The following SLC4A4 variants were observed in gnomAD, a reference collection of about 807,000 sequenced individuals.
The protein encoded by SLC4A4 is electrogenic sodium bicarbonate cotransporter 1.
A neutral mutation model predicts 111.5 loss-of-function variants in SLC4A4; 27 were observed. The ratio of observed to expected loss-of-function variants is 0.24; its 90% CI spans 0.18 to 0.33. The LOEUF (loss-of-function observed/expected upper bound fraction) is 0.33, where lower values mean the gene tolerates loss of function less well. Among genes scored for constraint, SLC4A4 ranks in the 10% least tolerant of loss-of-function variants. The pLI is 1.00. For synonymous variants in SLC4A4, 443 were observed against 463.4 expected (o/e 0.96, Z 0.57); for missense variants, 909 against 1,315.5 (o/e 0.69, Z 4.78).
At chr4:71,216,948 A>G (rs191924795) in intron 1 of SLC4A4, among the ~76,000 whole-genome samples, 150 of 152,270 alleles carry the variant, frequency 9.9e-4, no homozygotes, top group Non-Finnish European at 1.5e-3. Context: ...ACAACTGAAC[A>G]ATGTGGGTAT....
intron 2 of SLC4A4, among the ~76,000 whole-genome samples, chr4:71,150,055 A>G (rs1744274116): frequency 6.6e-6 from 1 of 152,124 alleles, no homozygotes; most frequent in Admixed American, 6.6e-5. Context: ...ATAATTACTT[A>G]TCTGTAGTAT....
intron 8 of SLC4A4, among the ~76,000 whole-genome samples, chr4:71,441,197 T>A (rs1258674618): frequency 1.3e-5 from 2 of 152,182 alleles, no homozygotes; most frequent in Non-Finnish European, 2.9e-5. Flanking sequence ...TACACACATA[T>A]ATATATTAAA....
intron 6 of SLC4A4, among the ~76,000 whole-genome samples, chr4:71,392,493 T>G (rs1719390026): frequency 6.6e-6 from 1 of 152,066 alleles, no homozygotes; most frequent in Non-Finnish European, 1.5e-5. Context: ...TTCTCAATCT[T>G]CAGCATGATT....
At chr4:71,274,501 G>A (rs1722933090) in intron 3 of SLC4A4, among the ~76,000 whole-genome samples, 1 of 152,192 alleles carries the variant, frequency 6.6e-6, no homozygotes, top group Non-Finnish European at 1.5e-5. Context: ...AGTTTGACAA[G>A]CAGTGGGGGT....
At chr4:71,485,090 A>G (rs1384805698) in intron 14 of SLC4A4, among the ~76,000 whole-genome samples, 2 of 151,888 alleles carry the variant, frequency 1.3e-5, no homozygotes, top group South Asian at 2.1e-4. Context: ...GCAAACAGGG[A>G]TAGTTTGACT....
intron 1 of SLC4A4, among the ~76,000 whole-genome samples, chr4:71,193,154 G>A (rs1745811420): frequency 6.6e-6 from 1 of 152,186 alleles, no homozygotes; most frequent in South Asian, 2.1e-4. Context: ...GATGCTATGA[G>A]CATTCTTACG....
intron 1 of SLC4A4, among the ~76,000 whole-genome samples, chr4:71,083,792 C>G (rs1742064402): frequency 1.7e-5 from 2 of 117,176 alleles, no homozygotes; most frequent in South Asian, 6.3e-4. Context: ...CCCCCCGCCC[C>G]CACCAGTCTC....
At chr4:71,212,060 G>C (rs1718169094) in intron 1 of SLC4A4, among the ~76,000 whole-genome samples, 1 of 152,184 alleles carries the variant, frequency 6.6e-6, no homozygotes. Context: ...AGACAACTAA[G>C]ATGCCATCTA....
intron 6 of SLC4A4, among the ~76,000 whole-genome samples, chr4:71,388,900 A>G (rs1042870741): frequency 1.3e-5 from 2 of 152,198 alleles, no homozygotes; most frequent in Admixed American, 6.5e-5. Flanking sequence ...GTGTAATATT[A>G]TTAGAATAAG....
intron 6 of SLC4A4, among the ~76,000 whole-genome samples, chr4:71,359,859 A>G (rs1420515860): frequency 6.6e-6 from 1 of 152,158 alleles, no homozygotes; most frequent in East Asian, 1.9e-4. Flanking sequence ...ATAGGCTACA[A>G]AATAGATTCA....
rs564342212 is a variant in SLC4A4, at chr4:71,517,743, G to A, written c.2167-14319G>A. On this transcript the variant is annotated intron_variant, in intron 16 of 25. Transcript: ENST00000264485. ...GACATAGAGACTAATTTCAGTCCTT[G>A]CAGAATGTCTTTGTCTGGAAAAGTT... is the stretch of plus-strand genomic sequence containing the variant. 1.7e-3 allele frequency among the ~76,000 whole-genome samples: 252 copies of A among 152,304 alleles called. 1 individual carries two copies. Among genetic ancestry groups the A allele is most frequent in the Middle Eastern group, 3.4e-3 (1 of 294 alleles).
intron 6 of SLC4A4, among the ~76,000 whole-genome samples, chr4:71,379,117 C>T (rs1026231316): frequency 9.9e-5 from 15 of 152,190 alleles, no homozygotes; most frequent in African/African-American, 2.9e-4. Context: ...ATCCATCTTT[C>T]ACAACTGCCA....
At chr4:71,088,544 A>C (rs983386920) in intron 1 of SLC4A4, among the ~76,000 whole-genome samples, 2 of 151,926 alleles carry the variant, frequency 1.3e-5, no homozygotes, top group African/African-American at 4.8e-5. Context: ...GGCTGGTACC[A>C]GTTGTTCCTT....
intron 7 of SLC4A4, among the ~76,000 whole-genome samples, chr4:71,420,681 C>T (rs1393767041): frequency 2.0e-5 from 3 of 151,758 alleles, no homozygotes; most frequent in Non-Finnish European, 4.4e-5. Context: ...GGCCAATATT[C>T]AACATTCTTA....
intron 13 of SLC4A4, among the ~76,000 whole-genome samples, chr4:71,470,599 G>GTTGTAA (rs779567007): frequency 1.1e-4 from 16 of 152,010 alleles, no homozygotes; most frequent in Non-Finnish European, 2.1e-4. Flanking sequence ...TATAAAATGA[G>GTTGTAA]TTGTAATTTG....
intron 3 of SLC4A4, among the ~76,000 whole-genome samples, chr4:71,258,684 T>G (rs1721634132): frequency 6.6e-6 from 1 of 152,208 alleles, no homozygotes; most frequent in Admixed American, 6.5e-5. Flanking sequence ...GATTTTCTTG[T>G]TTTTAAGCCT....
chr4:71,543,115 A>G (rs550314105), intron 18 of SLC4A4, among the ~76,000 whole-genome samples: 3 of 152,260 alleles, frequency 2.0e-5, no homozygotes, highest in African/African-American at 7.2e-5. Flanking sequence ...GGAGTTCCCT[A>G]ATGTGATGGC....
At chr4:71,376,618 A>G (rs1732426307) in intron 6 of SLC4A4, among the ~76,000 whole-genome samples, 1 of 148,682 alleles carries the variant, frequency 6.7e-6, no homozygotes, top group Non-Finnish European at 1.5e-5. Flanking sequence ...AAATATATAT[A>G]CATATATTTA....
intron 6 of SLC4A4, among the ~76,000 whole-genome samples, chr4:71,382,585 T>C (rs1444996597): frequency 6.6e-6 from 1 of 152,194 alleles, no homozygotes; most frequent in African/African-American, 2.4e-5. Context: ...AAATGAGCTT[T>C]ATTAAAATGA....
Sources: allele counts gnomAD v4.1 joint callset (sites outside exome capture counted in the v4.1 genomes callset), GRCh38; gene constraint gnomAD v4.1.1; transcripts MANE v1.5; gene names NCBI Gene and HGNC (gene_info 2026-07-23, HGNC 2026-07-21).